GRAMD1B: variants seen among roughly 807,000 people sequenced by gnomAD.
GRAMD1B encodes protein Aster-B.
Under a neutral mutation model 99.7 loss-of-function variants are expected in GRAMD1B, and 37 were observed. That is an observed-to-expected ratio of 0.37 (90% CI 0.29 to 0.49). The LOEUF is 0.49. Among genes scored for constraint, GRAMD1B ranks in the 20% least tolerant of loss-of-function variants. The pLI, the probability that GRAMD1B is intolerant of heterozygous loss-of-function variation, is 0.98. For missense variants in GRAMD1B, 888 were observed against 1,009.2 expected (o/e 0.88, Z 1.63); for synonymous variants, 427 against 387.6 (o/e 1.10, Z -1.19).
In GRAMD1B at chr11:123,530,025, G is replaced by A. The variant is rs116996885; in HGVS notation, c.453-47342G>A. 1.4e-4 allele frequency among the ~76,000 whole-genome samples: 22 copies of A among 152,300 alleles called. No individual in the cohort carries two copies. In the East Asian group the frequency reaches 4.2e-3, roughly 29 times the overall value. ...GAGAGAAAGTATAGTTCTTGACAGA[G>A]AGCAGGTGAAGCATTTCTGTGGAAA... On this transcript the variant is annotated intron_variant, in intron 2 of 19. Transcript: ENST00000635736.
At chr11:123,517,647 G>A (rs896744978) in intron 2 of GRAMD1B, among the ~76,000 whole-genome samples, 18 of 105,292 alleles carry the variant, frequency 1.7e-4, no homozygotes, top group Admixed American at 1.7e-4. Flanking sequence ...ACACACCACC[G>A]GGGGTGGTGT....
At chr11:123,519,330 A>T (rs1298945477) in intron 2 of GRAMD1B, among the ~76,000 whole-genome samples, 1 of 152,188 alleles carries the variant, frequency 6.6e-6, no homozygotes, top group Non-Finnish European at 1.5e-5. Flanking sequence ...AGTGGTGGGG[A>T]GCACCTGATC....
chr11:123,626,087 C>T lies in GRAMD1B; in HGVS notation c.*3492C>T, dbSNP rs1448094139. 6.6e-6 allele frequency: 1 copy of T among 152,188 alleles called. No individual in the cohort carries two copies. Among genetic ancestry groups the T allele is most frequent in the Non-Finnish European group, 1.5e-5 (1 of 68,054 alleles). The allele number at this position is 152,188 out of a possible 1,614,324, so 9.4% of individuals were successfully genotyped here. ...GACTTTCTCTAAGTTGGGAGAAGAA[C>T]ATTCTTTTCAATGGAGCTCATCTTC... On this transcript the variant is annotated 3_prime_UTR_variant, in exon 20 of 20. Transcript: ENST00000635736.
rs1264166646 is a variant in GRAMD1B, at chr11:123,594,792, A to C, written c.827A>C (p.Glu276Ala). 3 of 1,608,676 alleles carry C rather than the reference A, an allele frequency of 1.9e-6. No homozygotes were observed. The African/African-American group carries it at 4.0e-5, about 22-fold the overall frequency. Reference sequence around the variant, plus strand: ...CTTCAGGGCCGACTCTACCTCTCTGAAAATTGGATCTGCTTCTACAGCAAC... The same window carrying C: ...CTTCAGGGCCGACTCTACCTCTCTGCAAATTGGATCTGCTTCTACAGCAAC... ...ILLQGRLYLS[E>A]NWICFYSNIF... is the part of the protein sequence containing the mutation. The change falls in exon 6 of 20, where the codon GAA (glutamate) becomes GCA (alanine). Residue 276 changes from glutamate (E) to alanine (A), a missense_variant. Coordinates refer to ENST00000635736, the MANE Select transcript of GRAMD1B (RefSeq NM_001387025.1).
intron 1 of GRAMD1B, among the ~76,000 whole-genome samples, chr11:123,409,435 G>T (rs1947964157): frequency 6.6e-6 from 1 of 152,146 alleles, no homozygotes; most frequent in Admixed American, 6.6e-5. Flanking sequence ...TCTCTAAAAT[G>T]CCCCACTCTT....
intron 1 of GRAMD1B, among the ~76,000 whole-genome samples, chr11:123,393,361 C>T (rs923668435): frequency 2.6e-5 from 4 of 152,174 alleles, no homozygotes; most frequent in African/African-American, 9.7e-5. Flanking sequence ...CAAGTTAAAA[C>T]ATTAATAACC....
chr11:123,368,679 C>CAAAAAAAAAAA (rs58877377), intron 1 of GRAMD1B, among the ~76,000 whole-genome samples: 2 of 78,048 alleles, frequency 2.6e-5, no homozygotes, highest in African/African-American at 5.4e-5. Context: ...GACTCTGTCT[C>CAAAAAAAAAAA]AAAAAAAAAA....
At chr11:123,590,910 G>A (rs77143412) in intron 4 of GRAMD1B, among the ~76,000 whole-genome samples, 3 of 152,188 alleles carry the variant, frequency 2.0e-5, no homozygotes, top group South Asian at 2.1e-4. Flanking sequence ...GACTGGCGGG[G>A]TTAGACCCTG....
intron 2 of GRAMD1B, among the ~76,000 whole-genome samples, chr11:123,513,823 A>AT (rs1234275177): frequency 6.6e-6 from 1 of 151,546 alleles, no homozygotes; most frequent in Non-Finnish European, 1.5e-5. Context: ...CACTTGGCTA[A>AT]TTTTTTATTT....
chr11:123,378,229 C>T (rs946694394), intron 1 of GRAMD1B, among the ~76,000 whole-genome samples: 3 of 152,204 alleles, frequency 2.0e-5, no homozygotes, highest in Admixed American at 6.5e-5. Flanking sequence ...CCTGCATTGG[C>T]ACCCAGGTTG....
intron 2 of GRAMD1B, chr11:123,559,533 T>C (rs977849493): frequency 4.8e-6 from 1 of 206,872 alleles, no homozygotes; most frequent in Non-Finnish European, 8.5e-6. Context: ...ATTATTAATA[T>C]CGTTGCTGAA....
intron 1 of GRAMD1B, among the ~76,000 whole-genome samples, chr11:123,452,010 T>C (rs113948290): frequency 4.0e-4 from 61 of 152,170 alleles, no homozygotes; most frequent in African/African-American, 1.2e-3. Flanking sequence ...ATTTTTTAGA[T>C]TTTTATAGAG....
At chr11:123,428,293 T>C (rs1223029402), upstream of GRAMD1B, among the ~76,000 whole-genome samples, 6 of 152,056 alleles carry the variant, frequency 3.9e-5, no homozygotes, top group Non-Finnish European at 7.4e-5. Context: ...ATCCTGAAGT[T>C]TGGAGTTACA....
chr11:123,452,245 T>A (rs539572320), intron 1 of GRAMD1B, among the ~76,000 whole-genome samples: 16 of 152,240 alleles, frequency 1.1e-4, no homozygotes, highest in African/African-American at 3.9e-4. Flanking sequence ...AGGAAAAACA[T>A]ATAATAAAAA....
chr11:123,576,877 A>T (rs1948764074), intron 2 of GRAMD1B, among the ~76,000 whole-genome samples: 1 of 152,236 alleles, frequency 6.6e-6, no homozygotes, highest in South Asian at 2.1e-4. Flanking sequence ...ATGTTTTAAG[A>T]AATAATGCGT....
intron 1 of GRAMD1B, among the ~76,000 whole-genome samples, chr11:123,471,226 CA>C (rs1285201125): frequency 6.6e-6 from 1 of 152,130 alleles, no homozygotes; most frequent in Non-Finnish European, 1.5e-5. Flanking sequence ...AGTATTATTG[CA>C]CATTATATTG....
intron 1 of GRAMD1B, among the ~76,000 whole-genome samples, chr11:123,394,514 C>T (rs1435571842): frequency 6.6e-6 from 1 of 152,126 alleles, no homozygotes; most frequent in African/African-American, 2.4e-5. Flanking sequence ...CTCCATAGTA[C>T]TTTTTACCTT....
chr11:123,509,396 T>G (rs75998139), intron 2 of GRAMD1B, among the ~76,000 whole-genome samples: 4,637 of 152,320 alleles, frequency 0.03, 233 homozygotes, highest in African/African-American at 0.11. Flanking sequence ...GGGAGGTACT[T>G]GGAGATGCCT....
At chr11:123,506,793 G>A (rs1940482019) in intron 2 of GRAMD1B, among the ~76,000 whole-genome samples, 2 of 151,720 alleles carry the variant, frequency 1.3e-5, no homozygotes, top group Non-Finnish European at 2.9e-5. Context: ...CTCTTTTCTG[G>A]AGTTTTCTTT....
Sources: gnomAD v4.1 joint callset for allele counts (sites outside exome capture counted in the v4.1 genomes callset) on GRCh38, gnomAD v4.1.1 for gene constraint, MANE v1.5 for transcripts, NCBI Gene and HGNC (gene_info 2026-07-23, HGNC 2026-07-21) for gene names.